MAP3K15: variants seen among roughly 807,000 people sequenced by gnomAD.
The protein encoded by MAP3K15 is mitogen-activated protein kinase kinase kinase 15, also known as MAPK/ERK kinase kinase 15.
MAP3K15 carries 124 observed loss-of-function variants against 99.5 expected under a neutral mutation model. The ratio of observed to expected loss-of-function variants is 1.25; its 90% CI spans 1.08 to 1.45. MAP3K15 has a LOEUF of 1.45. MAP3K15 is among the 40% of genes most tolerant of loss of function. The pLI is 0.00. For missense variants in MAP3K15, 1,242 were observed against 1,079.7 expected (o/e 1.15, Z -2.11); for synonymous variants, 494 against 439.6 (o/e 1.12, Z -1.55).
intron 3 of MAP3K15, among the ~76,000 whole-genome samples, chrX:19,471,975 C>A (rs1277786352): frequency 8.9e-6 from 1 of 111,753 alleles, no homozygotes; most frequent in Non-Finnish European, 1.9e-5. Flanking sequence ...GTAATCCCAG[C>A]ACTTTGGGAG....
In MAP3K15 at chrX:19,464,375, T is replaced by C. The variant is rs1453655964; in HGVS notation, c.557A>G (p.Tyr186Cys). The C allele has an allele frequency of 5.9e-6, 7 of 1,190,860 alleles. No individual in the cohort carries two copies. The highest frequency in any genetic ancestry group is 2.2e-5 in the Admixed American group (1 of 44,952). ...ATAATCAGCGCACGGTGTCACGATG[T>C]ATGGGATGAAATAATAATTTCCACT... ...ASSGNYYFIP[Y>C]IVTPCADYFC... Residue 186 changes from tyrosine (Y) to cysteine (C), a missense_variant, in exon 4 of 29, where the codon TAC (tyrosine) becomes TGC (cysteine). Tyr to Cys is a radical substitution (Grantham distance 194). Coordinates refer to ENST00000338883, the MANE Select transcript of MAP3K15 (RefSeq NM_001001671.4).
At chrX:19,396,969 G>C (rs1278260421) in intron 15 of MAP3K15, among the ~76,000 whole-genome samples, 3 of 107,152 alleles carry the variant, frequency 2.8e-5, no homozygotes, top group Non-Finnish European at 5.8e-5. Flanking sequence ...GCACAGTCTC[G>C]GCTCACTGTA....
In MAP3K15 at chrX:19,360,171, C is replaced by CTACT. The variant is rs1351672487; in HGVS notation, c.*574_*577dup. ...CAAAGGCCACATAACTTAGTTTTCTCTACTTACACATTCAGTATAAATATG... is the reference window on the plus strand; with the variant it reads ...CAAAGGCCACATAACTTAGTTTTCTCTACTTACTTACACATTCAGTATAAATATG... On this transcript the variant is annotated 3_prime_UTR_variant, in exon 29 of 29. Transcript: ENST00000338883. 6.7e-5 allele frequency: 10 copies of CTACT among 149,292 alleles called. No individual in the cohort carries two copies. The highest frequency in any genetic ancestry group is 1.6e-4 in the African/African-American group (5 of 31,705). The allele number at this position is 149,292 out of a possible 1,213,427, so 12.3% of individuals were successfully genotyped here.
chrX:19,414,588 G>T (rs770422042), intron 10 of MAP3K15, among the ~76,000 whole-genome samples: 1 of 112,292 alleles, frequency 8.9e-6, no homozygotes, highest in Non-Finnish European at 1.9e-5. Flanking sequence ...TGCCTTTTTG[G>T]TAACTTTTAA....
At chrX:19,442,961 T>C (rs2063970178) in intron 6 of MAP3K15, among the ~76,000 whole-genome samples, 1 of 100,463 alleles carries the variant, frequency 1.0e-5, no homozygotes, top group Admixed American at 1.1e-4. Flanking sequence ...TGACCTCAAG[T>C]GATCCACCTG....
rs757998863 is a variant in MAP3K15 at position 19,371,365 on chromosome X, G to C, written c.3274C>G (p.Leu1092Val). ...SSSISQIHLV[L>V]FGFQDAVNKI... ...CTTACGGCATCCTGAAATCCGAACAGCACCAGGTGAATCTGACTGATGGAC... is the reference window on the plus strand; with the variant it reads ...CTTACGGCATCCTGAAATCCGAACACCACCAGGTGAATCTGACTGATGGAC... The change falls in exon 23 of 29, where the codon CTG becomes GTG. Residue 1092 changes from leucine (L) to valine (V), a missense_variant. Physicochemically the swap from Leu to Val is conservative, Grantham distance 32 (BLOSUM62 1). Coordinates refer to ENST00000338883, the MANE Select transcript of MAP3K15 (RefSeq NM_001001671.4). 22 of 1,209,124 alleles carry C rather than the reference G, an allele frequency of 1.8e-5. No individual in the cohort carries two copies. In the South Asian group the frequency reaches 3.7e-4, roughly 20 times the overall value.
At chrX:19,368,728 G>A (rs779505165) in intron 25 of MAP3K15, among the ~76,000 whole-genome samples, 2 of 111,668 alleles carry the variant, frequency 1.8e-5, no homozygotes, top group South Asian at 3.8e-4. Flanking sequence ...CACCATGCCA[G>A]GGGCCCCGTC....
chrX:19,465,612 G>A (rs754547556), intron 3 of MAP3K15, among the ~76,000 whole-genome samples: 1 of 108,715 alleles, frequency 9.2e-6, no homozygotes, highest in African/African-American at 3.4e-5. Flanking sequence ...AAATTAACCG[G>A]GTGTGGTAGC....
intron 24 of MAP3K15, among the ~76,000 whole-genome samples, chrX:19,370,042 G>A (rs767438399): frequency 8.9e-6 from 1 of 111,931 alleles, no homozygotes; most frequent in Non-Finnish European, 1.9e-5. Flanking sequence ...AGCCTCTCCT[G>A]CAGCTGAGCC....
chrX:19,475,078 T>C (rs1159968839), intron 3 of MAP3K15, among the ~76,000 whole-genome samples: 1 of 110,475 alleles, frequency 9.1e-6, no homozygotes, highest in African/African-American at 3.3e-5. Context: ...TATTACATTA[T>C]AATATATAAT....
intron 3 of MAP3K15, among the ~76,000 whole-genome samples, chrX:19,475,399 G>T (rs1474229921): frequency 9.0e-6 from 1 of 111,251 alleles, no homozygotes; most frequent in Non-Finnish European, 1.9e-5. Context: ...CTGCTGTGCG[G>T]CCCGGTCGGG....
In MAP3K15 at chrX:19,360,562, CTA is replaced by C; in HGVS notation, c.*185_*186del. The C allele has an allele frequency of 5.0e-6, 2 of 396,263 alleles. No homozygotes were observed. The highest frequency in any genetic ancestry group is 8.8e-6 in the Non-Finnish European group (2 of 228,343). 32.7% of individuals were successfully genotyped at this position (396,263 alleles called of 1,213,427 possible). On this transcript the variant is annotated 3_prime_UTR_variant, in exon 29 of 29. Transcript: ENST00000338883. ...CACTGTTTTCACAATACACACAGTT[CTA>C]TGTTTATAAATAACAGGTTTCAAAA...
At chrX:19,501,980 C>T (rs5955802) in intron 1 of MAP3K15, among the ~76,000 whole-genome samples, 27,736 of 111,412 alleles carry the variant, frequency 0.25, 3,375 homozygotes, top group African/African-American at 0.48. Context: ...GCAGGTGAAT[C>T]GTTTGAACCT....
intron 19 of MAP3K15, among the ~76,000 whole-genome samples, chrX:19,376,178 A>G (rs776741045): frequency 1.8e-5 from 2 of 111,292 alleles, no homozygotes; most frequent in African/African-American, 3.3e-5. Context: ...GTAACAAAAT[A>G]CCACAAACTG....
chrX:19,469,712 C>A (rs1219205191), intron 3 of MAP3K15, among the ~76,000 whole-genome samples: 1 of 111,010 alleles, frequency 9.0e-6, no homozygotes, highest in Admixed American at 9.6e-5. Context: ...AAGAAAAAAA[C>A]AAACAACCCC....
At chrX:19,415,399 C>A in intron 9 of MAP3K15, 142 bp from the exon 10 acceptor site, 1 of 513,261 alleles carries the variant, frequency 1.9e-6, no homozygotes, top group Non-Finnish European at 2.9e-6. Flanking sequence ...GACTGCTCAG[C>A]AGCCACAAAA....
At chrX:19,416,737 T>G (rs1237522841) in intron 9 of MAP3K15, among the ~76,000 whole-genome samples, 1 of 111,990 alleles carries the variant, frequency 8.9e-6, no homozygotes, top group African/African-American at 3.2e-5. Flanking sequence ...AATCCTGCAC[T>G]TTTTGCAAAA....
At chrX:19,476,104 A>G (rs1046136810) in intron 3 of MAP3K15, among the ~76,000 whole-genome samples, 3 of 112,450 alleles carry the variant, frequency 2.7e-5, no homozygotes, top group Non-Finnish European at 3.8e-5. Context: ...GAACTTCATA[A>G]TGAGACTTGT....
chrX:19,437,708 C>A (rs1356363938), intron 6 of MAP3K15, among the ~76,000 whole-genome samples: 1 of 111,762 alleles, frequency 8.9e-6, no homozygotes, highest in Non-Finnish European at 1.9e-5. Flanking sequence ...AGAATGCAAG[C>A]TCCGAGAGGG....
Sources: gnomAD v4.1 joint callset for allele counts (sites outside exome capture counted in the v4.1 genomes callset) on GRCh38, gnomAD v4.1.1 for gene constraint, MANE v1.5 for transcripts, NCBI Gene and HGNC (gene_info 2026-07-23, HGNC 2026-07-21) for gene names.